The following SCP2 variants were observed in gnomAD, a reference collection of about 807,000 sequenced individuals.
SCP2 encodes the protein SCP-2/3-oxoacyl-CoA thiolase.
SCP2 carries 48 observed loss-of-function variants against 71.4 expected under a neutral mutation model. The observed-to-expected ratio is 0.67, with a 90% CI of 0.53 to 0.86. The LOEUF (loss-of-function observed/expected upper bound fraction) is 0.86. Ranked by LOEUF, SCP2 falls within the 40% of genes least tolerant of loss-of-function variation. SCP2 has a pLI of 0.00. For synonymous variants in SCP2, 220 were observed against 218.1 expected, an observed-to-expected ratio of 1.01 and a Z score of -0.08; for missense variants, 560 against 655.6, an observed-to-expected ratio of 0.85 and a Z score of 1.59.
chr1:52,996,124 C>T (rs1659919457), intron 11 of SCP2: 1 of 499,412 alleles, frequency 2.0e-6, no homozygotes, highest in Non-Finnish European at 3.3e-6. Context: ...CTGCCTGAAA[C>T]ACAAATCTAG....
intron 13 of SCP2, among the ~76,000 whole-genome samples, chr1:53,036,483 T>C (rs1261778831): frequency 6.7e-6 from 1 of 149,616 alleles, no homozygotes; most frequent in Admixed American, 6.7e-5. Context: ...GAATTCTTGC[T>C]CTTCCTTGTA....
intron 11 of SCP2, among the ~76,000 whole-genome samples, chr1:53,005,491 G>T (rs1172254993): frequency 6.6e-6 from 1 of 152,186 alleles, no homozygotes; most frequent in Non-Finnish European, 1.5e-5. Flanking sequence ...GTCTCCGCTG[G>T]TGATACCCAG....
rs1311083453 is a variant in SCP2 at position 53,037,904 on chromosome 1, A to ACACACACACACC, written c.1339-1002_1339-1001insCCACACACACAC. Among the ~76,000 whole-genome samples, 20 of 127,428 alleles carry ACACACACACACC rather than the reference A, an allele frequency of 1.6e-4. 1 individual carries two copies. Among genetic ancestry groups the ACACACACACACC allele is most frequent in the African/African-American group, 6.6e-4 (20 of 30,308 alleles). 83.6% of individuals were successfully genotyped at this position (127,428 alleles called of 152,430 possible). ...TACACACACACACACACACACACAC[A>ACACACACACACC]CACACACACACACACACACACACAC... On this transcript the variant is annotated intron_variant, in intron 13 of 15. Transcript: ENST00000371514.
At chr1:53,035,779 A>C (rs17107690) in intron 13 of SCP2, among the ~76,000 whole-genome samples, 14,922 of 152,138 alleles carry the variant, frequency 0.098, 1,444 homozygotes, top group African/African-American at 0.22. Context: ...GTGGGTATTT[A>C]CATAATTCTC....
intron 11 of SCP2, chr1:52,994,856 T>C: frequency 2.0e-6 from 1 of 509,520 alleles, no homozygotes; most frequent in Middle Eastern, 4.2e-4. Flanking sequence ...GACCTGCAGC[T>C]GGACTGTGTC....
chr1:53,047,990 C>G (rs747813973), intron 15 of SCP2, 53 bp downstream of exon 15: 20 of 1,193,502 alleles, frequency 1.7e-5, no homozygotes, highest in Non-Finnish European at 5.0e-6. Context: ...TCAGCCCTTT[C>G]TACTCCATCT....
At chr1:52,951,054 G>T (rs1010423410) in intron 4 of SCP2, among the ~76,000 whole-genome samples, 168 bp downstream of exon 4, 1 of 152,094 alleles carries the variant, frequency 6.6e-6, no homozygotes, top group Non-Finnish European at 1.5e-5. Flanking sequence ...GCCGAGGGGG[G>T]TGGATTGTTT....
chr1:53,028,474 T>C (rs72670838), intron 13 of SCP2, among the ~76,000 whole-genome samples: 2,795 of 147,966 alleles, frequency 0.019, 48 homozygotes, highest in Non-Finnish European at 0.028. Context: ...CTTTTTTGTA[T>C]ATATATCAAA....
In SCP2 at chr1:53,020,987, C is replaced by T. The variant is rs141638185; in HGVS notation, c.1235+5944C>T. 4.6e-4 allele frequency among the ~76,000 whole-genome samples: 70 copies of T among 152,190 alleles called. 1 individual carries two copies. The highest frequency in any genetic ancestry group is 3.7e-3 in the South Asian group (18 of 4,818). Reference sequence around the variant, plus strand: ...TTACAATGCAGGACTTTATAATCTTCCCAAACACTAAGAATAACAGCAACC... The same window carrying T: ...TTACAATGCAGGACTTTATAATCTTTCCAAACACTAAGAATAACAGCAACC... On this transcript the variant is annotated intron_variant, in intron 12 of 15. Transcript: ENST00000371514.
intron 10 of SCP2, among the ~76,000 whole-genome samples, chr1:52,982,077 G>T (rs1658550738): frequency 6.6e-6 from 1 of 151,454 alleles, no homozygotes. Flanking sequence ...TATCCCAGTG[G>T]TTGCTATAGA....
chr1:53,014,860 C>G (rs1205689482), intron 11 of SCP2, 30 bp from the exon 12 acceptor site: 2 of 1,610,938 alleles, frequency 1.2e-6, no homozygotes, highest in Admixed American at 1.7e-5. Context: ...CTGGTGGAAG[C>G]AGCTCAGTGC....
chr1:52,950,934 AT>A, intron 4 of SCP2, 48 bp downstream of exon 4: 1 of 1,552,824 alleles, frequency 6.4e-7, no homozygotes. Flanking sequence ...CATTTTAATC[AT>A]TTAATCACAC....
chr1:52,964,827 A>G (rs1656802068), intron 6 of SCP2, among the ~76,000 whole-genome samples: 3 of 152,156 alleles, frequency 2.0e-5, no homozygotes, highest in Admixed American at 2.0e-4. Flanking sequence ...AGCCTGGCCA[A>G]CATGGTGAAA....
chr1:53,008,699 A>G (rs904120654), intron 11 of SCP2, among the ~76,000 whole-genome samples: 14 of 152,328 alleles, frequency 9.2e-5, no homozygotes, highest in African/African-American at 3.4e-4. Context: ...AACTGGAAGC[A>G]TTCCCTTTGC....
At chr1:52,968,496 T>G (rs1218957227) in intron 6 of SCP2, among the ~76,000 whole-genome samples, 1 of 152,224 alleles carries the variant, frequency 6.6e-6, no homozygotes, top group African/African-American at 2.4e-5. Flanking sequence ...ACAGCTTTAT[T>G]GAGGTATAAT....
In SCP2 at chr1:53,034,757, A is replaced by G. The variant is rs17107682; in HGVS notation, c.1339-4160A>G. On this transcript the variant is annotated intron_variant, in intron 13 of 15. Transcript: ENST00000371514. ...GGGGCAGTAATTATTTGAGTATTTC[A>G]GGTACTTATCAGAGTGCCTGAACAT... Among the ~76,000 whole-genome samples the G allele has an allele frequency of 5.0e-3, 756 of 152,280 alleles. 29 individuals are homozygous for G. In the East Asian group the frequency reaches 0.087, roughly 17 times the overall value.
At position 53,019,014 on chromosome 1, in the gene SCP2, C is replaced by T. The variant is rs192185124; in HGVS notation, c.1235+3971C>T. Among the ~76,000 whole-genome samples, 949 of 152,138 alleles carry T rather than the reference C, an allele frequency of 6.2e-3. 15 individuals carry two copies. Among genetic ancestry groups the T allele is most frequent in the African/African-American group, 0.022 (913 of 41,492 alleles). On this transcript the variant is annotated intron_variant, in intron 12 of 15. Coordinates refer to ENST00000371514, the MANE Select transcript of SCP2 (RefSeq NM_002979.5). ...AAGTATATTCTTTAATAGTAGAATG[C>T]TTCTCAGTTTGCAATTGCCTAATGT...
chr1:53,046,372 G>A (rs1386896976), intron 14 of SCP2, among the ~76,000 whole-genome samples: 1 of 150,200 alleles, frequency 6.7e-6, no homozygotes, highest in Non-Finnish European at 1.5e-5. Context: ...TGTTCTAGTA[G>A]GTATGTGGCA....
At chr1:53,005,012 A>C (rs1312760391) in intron 11 of SCP2, among the ~76,000 whole-genome samples, 1 of 152,148 alleles carries the variant, frequency 6.6e-6, no homozygotes, top group Non-Finnish European at 1.5e-5. Context: ...ACACCCATGG[A>C]GCCTCGCTTG....
Sources: allele counts gnomAD v4.1 joint callset (sites outside exome capture counted in the v4.1 genomes callset), GRCh38; gene constraint gnomAD v4.1.1; transcripts MANE v1.5; gene names NCBI Gene and HGNC (gene_info 2026-07-23, HGNC 2026-07-21).